Variants in ZDHHC15 observed in about 807,000 individuals in gnomAD.
ZDHHC15 encodes the protein zDHHC palmitoyltransferase 15.
ZDHHC15 carries 19 observed loss-of-function variants against 31.7 expected under a neutral mutation model. The ratio of observed to expected loss-of-function variants is 0.60; its 90% CI spans 0.42 to 0.88. The LOEUF (loss-of-function observed/expected upper bound fraction) is 0.88. Ranked by LOEUF, ZDHHC15 falls within the 40% of genes least tolerant of loss-of-function variation. The probability of loss-of-function intolerance (pLI) is 0.00; values close to 1 mark genes in which losing one functional copy is unlikely to be tolerated. For missense variants in ZDHHC15, 209 were observed against 251.2 expected (o/e 0.83, Z 1.14); for synonymous variants, 103 against 90.0 (o/e 1.14, Z -0.82).
chrX:75,522,869 A>G lies in ZDHHC15; in HGVS notation c.136+20T>C, dbSNP rs1481707119. On this transcript the variant is annotated intron_variant, in intron 1 of 11. Coordinates refer to ENST00000373367, the MANE Select transcript of ZDHHC15 (RefSeq NM_144969.3). The stretch of plus-strand genomic sequence containing the variant: ...TATTGGAGTATAATTTCCCCACCTT[A>G]GGTGCCCAGCCCCACTTACCCAGGC... The G allele has an allele frequency of 8.3e-7, 1 of 1,209,022 alleles. No individual in the cohort carries two copies. Among genetic ancestry groups the G allele is most frequent in the African/African-American group, 1.8e-5 (1 of 57,007 alleles).
intron 10 of ZDHHC15, among the ~76,000 whole-genome samples, chrX:75,392,804 A>G (rs2083261133): frequency 8.9e-6 from 1 of 111,905 alleles, no homozygotes; most frequent in African/African-American, 3.3e-5. Context: ...ACAAGGAGGA[A>G]ATACTCATGA....
intron 3 of ZDHHC15, among the ~76,000 whole-genome samples, chrX:75,477,548 C>T (rs1433652258): frequency 9.0e-6 from 1 of 111,669 alleles, no homozygotes; most frequent in African/African-American, 3.3e-5. Flanking sequence ...TCTTATTACA[C>T]ACATATATTT....
chrX:75,450,938 A>C lies in ZDHHC15; in HGVS notation c.259-16T>G. ...ACAAGTGGAACTGGAAGCAGGAGTG[A>C]AAGGTAAGACTTTATTATCTAAAGT... On this transcript the variant is annotated splice_polypyrimidine_tract_variant and intron_variant, in intron 3 of 11. Coordinates refer to ENST00000373367, the MANE Select transcript of ZDHHC15 (RefSeq NM_144969.3). The C allele has an allele frequency of 4.2e-6, 5 of 1,202,597 alleles. No individual in the cohort carries two copies. Among genetic ancestry groups the C allele is most frequent in the Non-Finnish European group, 5.6e-6 (5 of 889,971 alleles).
intron 10 of ZDHHC15, among the ~76,000 whole-genome samples, chrX:75,394,236 A>T (rs376655626): frequency 9.0e-6 from 1 of 111,499 alleles, no homozygotes. Context: ...AAAACATACC[A>T]CAAGAGAAAA....
chrX:75,519,047 G>A (rs1459334202), intron 1 of ZDHHC15, among the ~76,000 whole-genome samples: 3 of 108,534 alleles, frequency 2.8e-5, no homozygotes, highest in Non-Finnish European at 5.7e-5. Flanking sequence ...GGACTTGGGG[G>A]AAGAGGGAAC....
At chrX:75,478,045 C>G in intron 3 of ZDHHC15, among the ~76,000 whole-genome samples, 1 of 111,174 alleles carries the variant, frequency 9.0e-6, no homozygotes, top group Non-Finnish European at 1.9e-5. Flanking sequence ...GGAAAGTTTC[C>G]CTATTGTTCT....
chrX:75,384,497 G>A, intron 10 of ZDHHC15: 2 of 720,220 alleles, frequency 2.8e-6, no homozygotes, highest in Middle Eastern at 6.0e-4. Context: ...GTTCAAAAAG[G>A]AATGCCCCAC....
At chrX:75,377,059 TAGAC>T (rs1453390928) in intron 11 of ZDHHC15, among the ~76,000 whole-genome samples, 3 of 111,825 alleles carry the variant, frequency 2.7e-5, no homozygotes, top group African/African-American at 9.7e-5. Context: ...CTTCTACTGA[TAGAC>T]ATTCAGGTTG....
intron 1 of ZDHHC15, among the ~76,000 whole-genome samples, chrX:75,518,644 T>C (rs2085396117): frequency 9.5e-6 from 1 of 105,790 alleles, no homozygotes. Context: ...CTGGTGTATA[T>C]ACTCAAAATA....
At chrX:75,469,904 T>A (rs1023771377) in intron 3 of ZDHHC15, among the ~76,000 whole-genome samples, 2 of 112,226 alleles carry the variant, frequency 1.8e-5, no homozygotes, top group East Asian at 2.8e-4. Context: ...CAGTTTTTTT[T>A]ATAGTAAGCC....
At chrX:75,391,922 C>A (rs941388586) in intron 10 of ZDHHC15, among the ~76,000 whole-genome samples, 1 of 111,413 alleles carries the variant, frequency 9.0e-6, no homozygotes, top group South Asian at 3.7e-4. Context: ...ATAGGCAGTA[C>A]AATAAGATAC....
intron 4 of ZDHHC15, among the ~76,000 whole-genome samples, chrX:75,448,487 T>C (rs772846577): frequency 2.7e-5 from 3 of 112,327 alleles, no homozygotes; most frequent in Non-Finnish European, 5.6e-5. Context: ...TTCCTTCTCT[T>C]ATCCCCTTAT....
intron 4 of ZDHHC15, among the ~76,000 whole-genome samples, chrX:75,442,635 C>A (rs1248494106): frequency 9.0e-6 from 1 of 111,730 alleles, no homozygotes; most frequent in Non-Finnish European, 1.9e-5. Flanking sequence ...AACTACTGCT[C>A]AATGAAATAA....
intron 1 of ZDHHC15, among the ~76,000 whole-genome samples, chrX:75,514,897 C>A (rs1055841034): frequency 1.3e-4 from 14 of 111,563 alleles, no homozygotes; most frequent in African/African-American, 4.2e-4. Context: ...GGGGATATCA[C>A]CACTGATCCC....
rs761191612 is a variant in ZDHHC15, at chrX:75,417,183, C to T, written c.871G>A (p.Asp291Asn). Residue 291 changes from aspartate (D) to asparagine (N), a missense_variant, in exon 10 of 12, where the codon GAT becomes AAT. Transcript: ENST00000373367. ...WLIPIGSSPG[D>N]GHSFPMRSMN... ...GACCTCATAGGGAAGGAGTGTCCAT[C>T]ACCAGGGCTGATGGGAAAAGAAAGG... The T allele has an allele frequency of 4.2e-6, 5 of 1,194,590 alleles. No individual in the cohort carries two copies. The East Asian group carries it at 1.5e-4, about 36-fold the overall frequency.
chrX:75,419,504 C>G, intron 9 of ZDHHC15, among the ~76,000 whole-genome samples: 1 of 110,860 alleles, frequency 9.0e-6, no homozygotes, highest in Non-Finnish European at 1.9e-5. Flanking sequence ...GTTGGTGGGA[C>G]TGTAAACTAG....
At chrX:75,378,323 T>C (rs765519775) in intron 11 of ZDHHC15, among the ~76,000 whole-genome samples, 21 of 112,009 alleles carry the variant, frequency 1.9e-4, no homozygotes, top group Non-Finnish European at 3.6e-4. Flanking sequence ...TAAGATCATA[T>C]ATATCAAGTA....
Position 75,422,796 on chromosome X carries a change from CT to C in ZDHHC15, c.737-807del, listed in dbSNP as rs199812793. Among the ~76,000 whole-genome samples the C allele has an allele frequency of 4.7e-3, 514 of 109,401 alleles. 4 individuals carry two copies. The highest frequency in any genetic ancestry group is 0.016 in the African/African-American group (478 of 30,178). ...TTGGTTAAGAAAATGGGTGCAAATA[CT>C]TTTTTTTTAAATTTATTATTATTAT... On this transcript the variant is annotated intron_variant, in intron 8 of 11. Transcript: ENST00000373367.
rs2083622264 is a variant in ZDHHC15, at chrX:75,421,144, A to G, written c.863+720T>C. ...CTTCTGCTGCTTCTCTTCTATATAT[A>G]TTTATGTTTTTAATCACAGTGTATT... is the stretch of plus-strand genomic sequence containing the variant. On this transcript the variant is annotated intron_variant, in intron 9 of 11. Transcript: ENST00000373367. Among the ~76,000 whole-genome samples, 3 of 103,837 alleles carry G rather than the reference A, an allele frequency of 2.9e-5. No homozygotes were observed. In the South Asian group the frequency reaches 1.3e-3, roughly 45 times the overall value. 90.2% of individuals were successfully genotyped at this position (103,837 alleles called of 115,157 possible). A position where few individuals can be genotyped will look rare whatever the true frequency, so the allele number is the denominator to read the frequency against.
Sources: gnomAD v4.1 joint callset for allele counts (sites outside exome capture counted in the v4.1 genomes callset) on GRCh38, gnomAD v4.1.1 for gene constraint, MANE v1.5 for transcripts, NCBI Gene and HGNC (gene_info 2026-07-23, HGNC 2026-07-21) for gene names.